TRIM5: variants seen among roughly 807,000 people sequenced by gnomAD.
The protein encoded by TRIM5 is tripartite motif containing 5.
Under a neutral mutation model 35.6 loss-of-function variants are expected in TRIM5, and 31 were observed. That is an observed-to-expected ratio of 0.87 (90% confidence interval 0.65 to 1.18). The LOEUF is 1.18. TRIM5 is among the 50% of genes most tolerant of loss of function. TRIM5 has a pLI of 0.00. For missense variants in TRIM5, 609 were observed against 591.6 expected (o/e 1.03, Z -0.31); for synonymous variants, 243 against 215.6 (o/e 1.13, Z -1.11).
At chr11:5,602,304 A>G in the TRIM5 span, among the ~76,000 whole-genome samples, 2 of 152,210 alleles carry the variant, frequency 1.3e-5, no homozygotes, top group South Asian at 2.1e-4. Flanking sequence ...TTAGCCGGAC[A>G]TAGTGGCAGG....
chr11:5,664,399 C>T lies in TRIM5; in HGVS notation c.*410G>A, dbSNP rs971115438. 4.0e-6 allele frequency: 4 copies of T among 996,424 alleles called. No individual in the cohort carries two copies. The African/African-American group carries it at 5.2e-5, about 13-fold the overall frequency. The allele number at this position is 996,424 out of a possible 1,614,324, so 61.7% of individuals were successfully genotyped here. A position where few individuals can be genotyped will look rare whatever the true frequency, so the allele number is the denominator to read the frequency against. On this transcript the variant is annotated 3_prime_UTR_variant, in exon 8 of 8. Transcript: ENST00000380034. ...CACAAATAAGGGCATCGAGGGTAAA[C>T]TGACACAGGGCTAAGGACTCATTCA...
At chr11:5,603,702 G>T in the TRIM5 span, 1 of 1,613,424 alleles carries the variant, frequency 6.2e-7, no homozygotes, top group Non-Finnish European at 8.5e-7. Flanking sequence ...GTCACCACAC[G>T]TTCCTCGTGG....
chr11:5,616,919 TAG>T, the TRIM5 span, among the ~76,000 whole-genome samples: 6 of 143,036 alleles, frequency 4.2e-5, no homozygotes, highest in African/African-American at 1.5e-4. Flanking sequence ...GTATTTTTAG[TAG>T]AGACAGTGTT....
At chr11:5,605,725 G>A in the TRIM5 span, among the ~76,000 whole-genome samples, 1 of 152,222 alleles carries the variant, frequency 6.6e-6, no homozygotes, top group African/African-American at 2.4e-5. Flanking sequence ...TTAGAGGTAT[G>A]GAGTAAAGCG....
At chr11:5,639,038 A>G in the TRIM5 span, among the ~76,000 whole-genome samples, 4 of 152,232 alleles carry the variant, frequency 2.6e-5, no homozygotes, top group Admixed American at 2.0e-4. Flanking sequence ...CTTTCTCTAG[A>G]GTCTTGGAAA....
chr11:5,664,216 A>AAAAAAAAAG lies in TRIM5; in HGVS notation c.*592_*593insCTTTTTTTT, dbSNP rs1850959723. 1 of 974,626 alleles carries AAAAAAAAAG rather than the reference A, an allele frequency of 1.0e-6. No individual in the cohort carries two copies. The highest frequency in any genetic ancestry group is 1.2e-6 in the Non-Finnish European group (1 of 820,948). The allele number at this position is 974,626 out of a possible 1,614,324, so 60.4% of individuals were successfully genotyped here. A position where few individuals can be genotyped will look rare whatever the true frequency, so the allele number is the denominator to read the frequency against. On this transcript the variant is annotated 3_prime_UTR_variant, in exon 8 of 8. Transcript: ENST00000380034. ...AACTTCATCTCAAAAAAAAAAAAAAAGAAAAAAGAAAAGAAAAGGAAATAA... is the reference window on the plus strand; with the variant it reads ...AACTTCATCTCAAAAAAAAAAAAAAAAAAAAAAAGGAAAAAAGAAAAGAAAAGGAAATAA...
the TRIM5 span, chr11:5,603,664 C>T: frequency 3.1e-6 from 5 of 1,613,220 alleles, no homozygotes; most frequent in Non-Finnish European, 3.4e-6. Context: ...CATTTGCTGG[C>T]TTTGTGAGCG....
chr11:5,608,297 G>T, the TRIM5 span: 1 of 1,596,190 alleles, frequency 6.3e-7, no homozygotes, highest in South Asian at 1.1e-5. Flanking sequence ...CATGGGGTAG[G>T]GGACATGGAA....
chr11:5,635,526 G>T, the TRIM5 span, among the ~76,000 whole-genome samples: 3 of 152,054 alleles, frequency 2.0e-5, no homozygotes, highest in Non-Finnish European at 4.4e-5. Context: ...AAAATGCTGG[G>T]ATTACAGGCC....
intron 5 of TRIM5, 172 bp from the exon 6 acceptor site, chr11:5,666,253 G>C (rs1278333342): frequency 1.0e-5 from 7 of 677,706 alleles, no homozygotes; most frequent in Non-Finnish European, 1.9e-5. Flanking sequence ...ATGTTCTCAT[G>C]TTTGCCTTCC....
At chr11:5,674,884 GC>G (rs1851828251) in intron 4 of TRIM5, among the ~76,000 whole-genome samples, 2 of 152,216 alleles carry the variant, frequency 1.3e-5, no homozygotes, top group South Asian at 4.1e-4. Flanking sequence ...GTTTCCAGGA[GC>G]TGGGGTGTAG....
the TRIM5 span, chr11:5,604,582 G>C: frequency 1.9e-6 from 3 of 1,613,328 alleles, no homozygotes; most frequent in African/African-American, 2.7e-5. Flanking sequence ...GGAGCAGGAA[G>C]CTGAGAAGCT....
At chr11:5,642,395 T>C in the TRIM5 span, 1 of 1,610,328 alleles carries the variant, frequency 6.2e-7, no homozygotes, top group South Asian at 1.1e-5. Flanking sequence ...AAAAATTTTT[T>C]TCATCCCTAG....
the TRIM5 span, among the ~76,000 whole-genome samples, chr11:5,615,870 G>A: frequency 8.6e-5 from 13 of 151,436 alleles, no homozygotes; most frequent in Non-Finnish European, 1.6e-4. Context: ...TGGAATTACC[G>A]GCGTGAGCCA....
chr11:5,594,124 A>T, the TRIM5 span, among the ~76,000 whole-genome samples: 1 of 152,110 alleles, frequency 6.6e-6, no homozygotes, highest in East Asian at 1.9e-4. Flanking sequence ...TATGTGGTAA[A>T]TTTATATCTA....
chr11:5,600,644 G>A, the TRIM5 span, among the ~76,000 whole-genome samples: 921 of 152,202 alleles, frequency 6.1e-3, 14 homozygotes, highest in African/African-American at 0.021. Context: ...TCCTCAAGAT[G>A]GGGGTAAATT....
At chr11:5,657,841 C>T in the TRIM5 span, among the ~76,000 whole-genome samples, 1 of 150,506 alleles carries the variant, frequency 6.6e-6, no homozygotes, top group Non-Finnish European at 1.5e-5. Flanking sequence ...GTCTCTAACT[C>T]CTGACCTCAA....
the TRIM5 span, among the ~76,000 whole-genome samples, chr11:5,651,280 G>A: frequency 6.6e-6 from 1 of 152,212 alleles, no homozygotes; most frequent in African/African-American, 2.4e-5. Flanking sequence ...AGGGGTACAT[G>A]TGCAGATTTC....
At chr11:5,677,301 A>T (rs1852063158) in intron 4 of TRIM5, among the ~76,000 whole-genome samples, 1 of 152,216 alleles carries the variant, frequency 6.6e-6, no homozygotes, top group Admixed American at 6.5e-5. Context: ...AAGGACATGA[A>T]CAGACACTTC....
Sources: allele counts gnomAD v4.1 joint callset (sites outside exome capture counted in the v4.1 genomes callset), GRCh38; gene constraint gnomAD v4.1.1; transcripts MANE v1.5; gene names NCBI Gene and HGNC (gene_info 2026-07-23, HGNC 2026-07-21).